ZNF700: variants seen among roughly 807,000 people sequenced by gnomAD.
ZNF700 encodes the protein zinc finger protein 700.
Under a neutral mutation model 65.3 loss-of-function variants are expected in ZNF700, and 38 were observed. The observed-to-expected ratio is 0.58, with a 90% CI of 0.45 to 0.76. The LOEUF is 0.76. ZNF700 is among the 30% of genes least tolerant of loss of function. The pLI, the probability that ZNF700 is intolerant of heterozygous loss-of-function variation, is 0.00. For synonymous variants in ZNF700, 285 were observed against 290.4 expected (o/e 0.98, Z 0.19); for missense variants, 857 against 888.4 (o/e 0.96, Z 0.45).
Position 11,941,090 on chromosome 19 carries a change from C to A in ZNF700, c.64-6091C>A, listed in dbSNP as rs555730442. 2.0e-3 allele frequency among the ~76,000 whole-genome samples: 297 copies of A among 152,294 alleles called. 2 individuals carry two copies. The highest frequency in any genetic ancestry group is 6.6e-3 in the African/African-American group (276 of 41,548). On this transcript the variant is annotated intron_variant, in intron 1 of 3. Coordinates refer to ENST00000254321, the MANE Select transcript of ZNF700 (RefSeq NM_144566.3). Reference sequence around the variant, plus strand: ...AGTGTCGATTGGTGCATTCACAAACCCTGAGCTAGACACAGGGTGCTGATT... The same window carrying A: ...AGTGTCGATTGGTGCATTCACAAACACTGAGCTAGACACAGGGTGCTGATT...
intron 1 of ZNF700, among the ~76,000 whole-genome samples, chr19:11,943,585 A>C (rs981598779): frequency 6.6e-6 from 1 of 152,122 alleles, no homozygotes; most frequent in Non-Finnish European, 1.5e-5. Context: ...GGAGGCTCAG[A>C]TGGGTTATGG....
At position 11,949,899 on chromosome 19, in the gene ZNF700, T is replaced by A. The variant is rs531892041; in HGVS notation, c.1875T>A (p.Cys625Ter). 3 of 1,613,986 alleles carry A rather than the reference T, an allele frequency of 1.9e-6. No individual in the cohort carries two copies. The South Asian group carries it at 3.3e-5, about 18-fold the overall frequency. ...AGAAACCCTATGAGTGTAAGCAATG[T>A]GGGAAAGCCTTCAGATCTGCCTCAA... ...TGEKPYECKQ[C>*]GKAFRSASNL... is the part of the protein sequence containing the mutation. Residue 625 changes from cysteine to a stop codon, truncating the protein, a stop_gained, in exon 4 of 4, where the codon TGT becomes TGA. Transcript: ENST00000254321. LOFTEE classifies it high-confidence loss of function.
chr19:11,934,874 T>C (rs1002288922), intron 1 of ZNF700, among the ~76,000 whole-genome samples: 4 of 147,536 alleles, frequency 2.7e-5, no homozygotes, highest in Non-Finnish European at 4.4e-5. Context: ...CATCCTGTCA[T>C]ATGTTTGCCA....
chr19:11,947,771 G>A (rs1972984697), intron 3 of ZNF700, among the ~76,000 whole-genome samples, 197 bp downstream of exon 3: 1 of 152,190 alleles, frequency 6.6e-6, no homozygotes, highest in Non-Finnish European at 1.5e-5. Context: ...TTTGAGAAGT[G>A]GAGATAGGAG....
rs201166136 is a variant in ZNF700, at chr19:11,925,194, G to C, written c.-17G>C. 2 of 1,611,306 alleles carry C rather than the reference G, an allele frequency of 1.2e-6. No individual in the cohort carries two copies. Among genetic ancestry groups the C allele is most frequent in the Non-Finnish European group, 1.7e-6 (2 of 1,178,246 alleles). On this transcript the variant is annotated 5_prime_UTR_variant, in exon 1 of 4. Coordinates refer to ENST00000254321, the MANE Select transcript of ZNF700 (RefSeq NM_144566.3). ...TGGTGCCTGTACCCAGGCTTCTGTC[G>C]CTCTGTCGCCTGCGCTATGCCCTGC...
In ZNF700 at chr19:11,949,863, TCA is replaced by T. The variant is rs1336636667; in HGVS notation, c.1843_1844del (p.Thr615TrpfsTer6). 1.9e-6 allele frequency: 3 copies of T among 1,613,846 alleles called. No individual in the cohort carries two copies. The highest frequency in any genetic ancestry group is 4.5e-5 in the East Asian group (2 of 44,866). ...ASNLRKHGRT[H>X]TGEKPYECKQ... Reference sequence around the variant, plus strand: ...CAAACCTTCGAAAGCATGGTAGGACTCACACTGGAGAGAAACCCTATGAGTGT... The same window carrying T: ...CAAACCTTCGAAAGCATGGTAGGACTCACTGGAGAGAAACCCTATGAGTGT... On this transcript the variant is annotated frameshift_variant, in exon 4 of 4. Coordinates refer to ENST00000254321, the MANE Select transcript of ZNF700 (RefSeq NM_144566.3). LOFTEE classifies it high-confidence loss of function.
chr19:11,949,146 C>G lies in ZNF700; in HGVS notation c.1122C>G (p.Ala374=). ...TATGTGGGAAAGGCTTTTATTCTGC[C>G]AAGTCATTTCAAACACATGAAAAAA... ...CKICGKGFYS[A]KSFQTHEKTH... is the part of the protein sequence containing the mutation. Residue 374 remains alanine, a synonymous_variant, in exon 4 of 4, where the codon GCC becomes GCG. Coordinates refer to ENST00000254321, the MANE Select transcript of ZNF700 (RefSeq NM_144566.3). The G allele has an allele frequency of 4.3e-6, 7 of 1,612,378 alleles. No individual in the cohort carries two copies. Among genetic ancestry groups the G allele is most frequent in the Non-Finnish European group, 5.9e-6 (7 of 1,179,656 alleles).
intron 1 of ZNF700, chr19:11,946,887 C>T (rs1046563181): frequency 8.4e-6 from 3 of 357,736 alleles, no homozygotes; most frequent in Non-Finnish European, 1.4e-5. Flanking sequence ...ATAATCCCAG[C>T]TACTCGGGAG....
At chr19:11,939,052 T>C (rs371170526) in intron 1 of ZNF700, among the ~76,000 whole-genome samples, 1 of 152,178 alleles carries the variant, frequency 6.6e-6, no homozygotes, top group African/African-American at 2.4e-5. Context: ...TCATGTCCTT[T>C]GCCCACTTTT....
In ZNF700 at chr19:11,947,183, C is replaced by T. The variant is rs1174274728; in HGVS notation, c.66C>T (p.Asp22=). ...TCTACACATGTGAGATGTTTCAGGA[C>T]CCAGTGGCCTTTGAGGATGTGGCTG... ...DPGTSESREM[D]PVAFEDVAVN... The change falls in exon 2 of 4, where the codon GAC becomes GAT. Residue 22 remains aspartate, a splice_region_variant and synonymous_variant. Coordinates refer to ENST00000254321, the MANE Select transcript of ZNF700 (RefSeq NM_144566.3). 2 of 1,613,612 alleles carry T rather than the reference C, an allele frequency of 1.2e-6. No individual in the cohort carries two copies. Among genetic ancestry groups the T allele is most frequent in the African/African-American group, 2.7e-5 (2 of 74,882 alleles).
chr19:11,925,207 C>T lies in ZNF700; in HGVS notation c.-4C>T, dbSNP rs1972605316. 6.2e-7 allele frequency: 1 copy of T among 1,612,224 alleles called. No homozygotes were observed. The highest frequency in any genetic ancestry group is 8.5e-7 in the Non-Finnish European group (1 of 1,178,732). ...CAGGCTTCTGTCGCTCTGTCGCCTG[C>T]GCTATGCCCTGCTGTAGTCACAGGA... On this transcript the variant is annotated 5_prime_UTR_variant, in exon 1 of 4. Transcript: ENST00000254321.
intron 1 of ZNF700, among the ~76,000 whole-genome samples, chr19:11,935,296 G>A (rs1218017655): frequency 6.9e-6 from 1 of 144,184 alleles, no homozygotes; most frequent in Non-Finnish European, 1.5e-5. Context: ...GAGTGCAGTG[G>A]TGTAATCTCG....
chr19:11,926,162 G>C (rs1420910567), intron 1 of ZNF700, among the ~76,000 whole-genome samples: 2 of 152,186 alleles, frequency 1.3e-5, no homozygotes, highest in African/African-American at 4.8e-5. Flanking sequence ...TATGAATTCT[G>C]AGGCGTGACT....
intron 1 of ZNF700, among the ~76,000 whole-genome samples, chr19:11,930,934 G>C (rs1362306481): frequency 6.8e-6 from 1 of 146,498 alleles, no homozygotes; most frequent in Non-Finnish European, 1.5e-5. Flanking sequence ...GGGAGGTGGA[G>C]ATTGCAGTGA....
rs1973054136 is a variant in ZNF700, at chr19:11,950,689, A to T, written c.*436A>T. ...ATACAGATAATTAATGTAAACAATT[A>T]TCATAAGTATACTAACATGTTATTC... On this transcript the variant is annotated 3_prime_UTR_variant, in exon 4 of 4. Coordinates refer to ENST00000254321, the MANE Select transcript of ZNF700 (RefSeq NM_144566.3). 2 of 259,756 alleles carry T rather than the reference A, an allele frequency of 7.7e-6. No individual in the cohort carries two copies. Among genetic ancestry groups the T allele is most frequent in the African/African-American group, 4.6e-5 (2 of 43,658 alleles). 16.1% of individuals were successfully genotyped at this position (259,756 alleles called of 1,614,324 possible).
rs986641790 is a variant in ZNF700, at chr19:11,950,472, T to G, written c.*219T>G. The G allele has an allele frequency of 1.4e-6, 1 of 692,074 alleles. No homozygotes were observed. The highest frequency in any genetic ancestry group is 1.8e-5 in the African/African-American group (1 of 56,074). 42.9% of individuals were successfully genotyped at this position (692,074 alleles called of 1,614,324 possible). ...GGACTCACACGGGAGAGAAACCCTATGAGTGTATTCTAGTTCCGTTTGATA... is the reference window on the plus strand; with the variant it reads ...GGACTCACACGGGAGAGAAACCCTAGGAGTGTATTCTAGTTCCGTTTGATA... On this transcript the variant is annotated 3_prime_UTR_variant, in exon 4 of 4. Transcript: ENST00000254321.
chr19:11,937,585 T>C (rs951552564), intron 1 of ZNF700, among the ~76,000 whole-genome samples: 8 of 150,664 alleles, frequency 5.3e-5, no homozygotes, highest in African/African-American at 2.0e-4. Context: ...ACCTCCCAGG[T>C]TCAAGCCATT....
chr19:11,934,491 C>T (rs1336354894), intron 1 of ZNF700, among the ~76,000 whole-genome samples: 2 of 148,044 alleles, frequency 1.4e-5, no homozygotes, highest in African/African-American at 5.3e-5. Context: ...TTGCTGCTGC[C>T]TCATTGTTTT....
chr19:11,936,388 C>G (rs932744535), intron 1 of ZNF700, among the ~76,000 whole-genome samples: 2 of 152,076 alleles, frequency 1.3e-5, no homozygotes, highest in Non-Finnish European at 2.9e-5. Flanking sequence ...TTCTAACTGG[C>G]GTGAGATGGT....
Sources: allele counts gnomAD v4.1 joint callset (sites outside exome capture counted in the v4.1 genomes callset), GRCh38; gene constraint gnomAD v4.1.1; transcripts MANE v1.5; gene names NCBI Gene and HGNC (gene_info 2026-07-23, HGNC 2026-07-21).